Variants in CCSER1 observed in about 807,000 individuals in gnomAD.
CCSER1 encodes coiled-coil serine rich protein 1, also known as serine-rich coiled-coil domain-containing protein 1.
CCSER1 carries 41 observed loss-of-function variants against 82.0 expected under a neutral mutation model. The ratio of observed to expected loss-of-function variants is 0.50; its 90% CI spans 0.39 to 0.65. The LOEUF (loss-of-function observed/expected upper bound fraction) is 0.65, where lower values mean the gene tolerates loss of function less well. Among genes scored for constraint, CCSER1 ranks in the 30% least tolerant of loss-of-function variants. The pLI, the probability that CCSER1 is intolerant of heterozygous loss-of-function variation, is 0.00. For synonymous variants in CCSER1, 414 were observed against 383.9 expected (o/e 1.08, Z -0.92); for missense variants, 1,119 against 1,064.2 (o/e 1.05, Z -0.72).
chr4:91,132,704 A>T (rs1728100401), intron 10 of CCSER1, among the ~76,000 whole-genome samples: 1 of 152,216 alleles, frequency 6.6e-6, no homozygotes, highest in South Asian at 2.1e-4. Context: ...TGCTTATTTT[A>T]AAACAGCATC....
rs1246553353 is a variant in CCSER1 at position 91,602,500 on chromosome 4, G to T, written c.*3443G>T. ...GATTAAACAGTAGGAACAGTTTGCTGAATGGTTAGGATTATCTCTGCACAT... is the reference window on the plus strand; with the variant it reads ...GATTAAACAGTAGGAACAGTTTGCTTAATGGTTAGGATTATCTCTGCACAT... On this transcript the variant is annotated 3_prime_UTR_variant, in exon 11 of 11. Coordinates refer to ENST00000509176, the MANE Select transcript of CCSER1 (RefSeq NM_001145065.2). Among the ~76,000 whole-genome samples, 1 of 152,032 alleles carries T rather than the reference G, an allele frequency of 6.6e-6. No homozygotes were observed. Among genetic ancestry groups the T allele is most frequent in the Non-Finnish European group, 1.5e-5 (1 of 67,940 alleles).
chr4:90,352,280 C>A (rs145062699), intron 3 of CCSER1, among the ~76,000 whole-genome samples: 1 of 151,830 alleles, frequency 6.6e-6, no homozygotes, highest in Non-Finnish European at 1.5e-5. Flanking sequence ...GCTGAGATTG[C>A]GCCACTGCAC....
intron 3 of CCSER1, among the ~76,000 whole-genome samples, chr4:90,384,088 T>C (rs1342300018): frequency 1.3e-5 from 2 of 151,844 alleles, no homozygotes; most frequent in Non-Finnish European, 2.9e-5. Context: ...GAACCCTCGT[T>C]TTTTTTGTTG....
At chr4:91,427,425 T>A (rs1330521777) in intron 10 of CCSER1, among the ~76,000 whole-genome samples, 1 of 152,114 alleles carries the variant, frequency 6.6e-6, no homozygotes, top group Admixed American at 6.6e-5. Flanking sequence ...ACTTGTACGA[T>A]CATGAGTAAG....
chr4:91,415,301 C>G (rs534587880), intron 10 of CCSER1, among the ~76,000 whole-genome samples: 1 of 152,114 alleles, frequency 6.6e-6, no homozygotes, highest in South Asian at 2.1e-4. Context: ...GCTTAACAAG[C>G]TTTTGGGCTG....
At chr4:91,453,604 G>A (rs1029062770) in intron 10 of CCSER1, among the ~76,000 whole-genome samples, 1 of 151,926 alleles carries the variant, frequency 6.6e-6, no homozygotes, top group Non-Finnish European at 1.5e-5. Context: ...TGTGTACTGA[G>A]TTTTCTATCT....
At chr4:91,365,799 AAG>A (rs1441131263) in intron 10 of CCSER1, among the ~76,000 whole-genome samples, 1 of 152,150 alleles carries the variant, frequency 6.6e-6, no homozygotes, top group East Asian at 1.9e-4. Context: ...ACAACCAATA[AAG>A]GGAGTTAATG....
intron 9 of CCSER1, among the ~76,000 whole-genome samples, chr4:91,032,954 C>T (rs10856881): frequency 0.88 from 134,605 of 152,128 alleles, 59,692 homozygotes; most frequent in Non-Finnish European, 0.9. Context: ...TCCACCTCCC[C>T]GGGAATGGTG....
At chr4:91,134,677 CACA>C (rs774556853) in intron 10 of CCSER1, among the ~76,000 whole-genome samples, 6 of 152,142 alleles carry the variant, frequency 3.9e-5, no homozygotes, top group Non-Finnish European at 7.4e-5. Flanking sequence ...TAGCAGTCAT[CACA>C]ACAATAATTG....
chr4:90,534,441 TTGTGTGTGTGTGTGTGTGTGTG>T (rs376987549), intron 5 of CCSER1, among the ~76,000 whole-genome samples: 52 of 136,468 alleles, frequency 3.8e-4, no homozygotes, highest in South Asian at 8.0e-4. Flanking sequence ...TGCCAGCCTT[TTGTGTGTGTGTGTGTGTGTGTG>T]TGTGTGTGTG....
At chr4:91,310,546 T>C (rs1745396577) in intron 10 of CCSER1, among the ~76,000 whole-genome samples, 1 of 151,910 alleles carries the variant, frequency 6.6e-6, no homozygotes, top group Non-Finnish European at 1.5e-5. Flanking sequence ...CATTCCAGAT[T>C]CTCTCATTTC....
At chr4:91,220,774 A>G (rs1256148925) in intron 10 of CCSER1, among the ~76,000 whole-genome samples, 1 of 152,224 alleles carries the variant, frequency 6.6e-6, no homozygotes, top group Non-Finnish European at 1.5e-5. Context: ...AAAAGGAAAG[A>G]AAAGAAGGAA....
intron 9 of CCSER1, among the ~76,000 whole-genome samples, chr4:91,064,466 A>G (rs1012120057): frequency 6.6e-6 from 1 of 152,242 alleles, no homozygotes; most frequent in Admixed American, 6.5e-5. Flanking sequence ...GGGGCCACAC[A>G]GAATGTGTTC....
At chr4:90,481,982 C>T (rs907595806) in intron 5 of CCSER1, among the ~76,000 whole-genome samples, 1 of 152,196 alleles carries the variant, frequency 6.6e-6, no homozygotes, top group Non-Finnish European at 1.5e-5. Flanking sequence ...TAGAATTCGG[C>T]TGTGAATCCA....
At chr4:91,426,875 A>G (rs1754014241) in intron 10 of CCSER1, among the ~76,000 whole-genome samples, 1 of 152,172 alleles carries the variant, frequency 6.6e-6, no homozygotes, top group Admixed American at 6.5e-5. Context: ...ATATTTATTG[A>G]ACCCTATGAG....
intron 7 of CCSER1, among the ~76,000 whole-genome samples, chr4:90,770,082 G>A (rs369760631): frequency 7.9e-5 from 12 of 152,262 alleles, no homozygotes; most frequent in African/African-American, 2.9e-4. Flanking sequence ...CCCTTGTCCT[G>A]GGAATGCTTC....
chr4:90,671,005 C>T (rs915932707), intron 6 of CCSER1, among the ~76,000 whole-genome samples: 3 of 152,042 alleles, frequency 2.0e-5, no homozygotes, highest in African/African-American at 7.2e-5. Flanking sequence ...TAGTATGCTG[C>T]AGCCTATTAA....
intron 6 of CCSER1, among the ~76,000 whole-genome samples, chr4:90,698,068 CAA>C (rs1181974901): frequency 1.3e-5 from 2 of 152,138 alleles, no homozygotes; most frequent in East Asian, 1.9e-4. Flanking sequence ...GGTTACCAAA[CAA>C]GAGCATTTTC....
chr4:90,292,799 G>A lies in CCSER1; in HGVS notation c.-41-15445G>A, dbSNP rs1275555618. ...TTGAACTAGAACATGCACTGAAAATGTTGGATTCCATATTACTGCCTATAC... is the reference window on the plus strand; with the variant it reads ...TTGAACTAGAACATGCACTGAAAATATTGGATTCCATATTACTGCCTATAC... On this transcript the variant is annotated intron_variant, in intron 1 of 10. Transcript: ENST00000509176. Among the ~76,000 whole-genome samples, 4 of 151,894 alleles carry A rather than the reference G, an allele frequency of 2.6e-5. No homozygotes were observed. The East Asian group carries it at 7.8e-4, about 29-fold the overall frequency.
Sources: allele counts gnomAD v4.1 joint callset (sites outside exome capture counted in the v4.1 genomes callset), GRCh38; gene constraint gnomAD v4.1.1; transcripts MANE v1.5; gene names NCBI Gene and HGNC (gene_info 2026-07-23, HGNC 2026-07-21).